ICE2: variants seen among roughly 807,000 people sequenced by gnomAD.
ICE2 encodes interactor of little elongation complex ELL subunit 2.
A neutral mutation model predicts 105.4 loss-of-function variants in ICE2; 87 were observed. The ratio of observed to expected loss-of-function variants is 0.83; its 90% confidence interval spans 0.69 to 0.99. The LOEUF (loss-of-function observed/expected upper bound fraction) is 0.99. ICE2 is among the 50% of genes least tolerant of loss of function. The pLI is 0.00. For missense variants in ICE2, 1,323 were observed against 1,146.7 expected (o/e 1.15, Z -2.22); for synonymous variants, 399 against 392.0 (o/e 1.02, Z -0.21).
Position 60,455,035 on chromosome 15 carries a change from A to G in ICE2, c.911T>C (p.Ile304Thr). 6.3e-7 allele frequency: 1 copy of G among 1,576,690 alleles called. No individual in the cohort carries two copies. The highest frequency in any genetic ancestry group is 8.6e-7 in the Non-Finnish European group (1 of 1,168,656). The change falls in exon 8 of 16, where the codon ATT (isoleucine) becomes ACT (threonine). Residue 304 changes from isoleucine to threonine, a missense_variant. Ile to Thr is a moderately conservative substitution (Grantham distance 89). Transcript: ENST00000261520. ...AGGTATTACTTGAATACACACTGGA[A>G]TTTCCCACTGTTCCTTGTACGTTGG... ...HGPTYKEQWE[I>T]PVCIQVIPVA... is the part of the protein sequence containing the mutation.
At chr15:60,456,927 C>CTA (rs1371456874) in intron 5 of ICE2, 133 bp from the exon 6 acceptor site, 127 of 405,314 alleles carry the variant, frequency 3.1e-4, no homozygotes, top group African/African-American at 2.5e-3. Flanking sequence ...GCTACTAATA[C>CTA]ACACATTGTA....
At chr15:60,438,404 T>A (rs916941759) in intron 12 of ICE2, 1 of 152,154 alleles carries the variant, frequency 6.6e-6, no homozygotes, top group Non-Finnish European at 1.5e-5. Flanking sequence ...TACAAATAAT[T>A]AGAAACATTT....
intron 10 of ICE2, 52 bp from the exon 11 acceptor site, chr15:60,448,197 T>TAA (rs755100126): frequency 4.4e-6 from 5 of 1,148,066 alleles, no homozygotes; most frequent in Non-Finnish European, 6.2e-6. Context: ...TTACCCATCA[T>TAA]AAGCAAGGAT....
chr15:60,465,433 T>G (rs1355188295), intron 5 of ICE2, among the ~76,000 whole-genome samples: 2 of 152,192 alleles, frequency 1.3e-5, no homozygotes. Flanking sequence ...TCAATCCTTC[T>G]GCCTCGGCCT....
chr15:60,440,526 C>T (rs1181557059), intron 12 of ICE2: 1 of 151,994 alleles, frequency 6.6e-6, no homozygotes, highest in Non-Finnish European at 1.5e-5. Flanking sequence ...TGTGTTGATT[C>T]TACTGAAAAA....
chr15:60,444,474 A>AT (rs550580004), intron 11 of ICE2, among the ~76,000 whole-genome samples: 8 of 152,050 alleles, frequency 5.3e-5, no homozygotes, highest in African/African-American at 1.9e-4. Flanking sequence ...AAAGTTTACT[A>AT]TTTTTTTCCC....
In ICE2 at chr15:60,423,766, A is replaced by AG; in HGVS notation, c.2821-5dup. On this transcript the variant is annotated splice_region_variant and splice_polypyrimidine_tract_variant and intron_variant, in intron 15 of 15. Coordinates refer to ENST00000261520, the MANE Select transcript of ICE2 (RefSeq NM_024611.6). ...TAGGCATTCTCGTTCCACCAATCTA[A>AG]GAGATGAAGCAGAGAACAGAATAGC... 1 of 1,581,796 alleles carries AG rather than the reference A, an allele frequency of 6.3e-7. No homozygotes were observed. The highest frequency in any genetic ancestry group is 8.6e-7 in the Non-Finnish European group (1 of 1,168,726).
rs1381157414 is a variant in ICE2, at chr15:60,477,318, C to T, written c.41+619G>A. Among the ~76,000 whole-genome samples the T allele has an allele frequency of 2.6e-5, 4 of 152,158 alleles. No individual in the cohort carries two copies. The South Asian group carries it at 6.2e-4, about 24-fold the overall frequency. On this transcript the variant is annotated intron_variant, in intron 2 of 15. Coordinates refer to ENST00000261520, the MANE Select transcript of ICE2 (RefSeq NM_024611.6). ...GAGTGTTGTTAGCAATAAACAAATA[C>T]TCAATGAACATACTGACTTAATAGT...
At chr15:60,437,020 A>T (rs2063609084) in intron 12 of ICE2, among the ~76,000 whole-genome samples, 1 of 152,062 alleles carries the variant, frequency 6.6e-6, no homozygotes, top group African/African-American at 2.4e-5. Context: ...TGGGAGGCCG[A>T]GGCGGGCAGA....
At chr15:60,464,449 C>G (rs1318278325) in intron 5 of ICE2, among the ~76,000 whole-genome samples, 1 of 152,122 alleles carries the variant, frequency 6.6e-6, no homozygotes, top group Admixed American at 6.5e-5. Flanking sequence ...ATACTACATT[C>G]CATAGGGTAA....
chr15:60,436,106 A>C (rs1037529598), intron 13 of ICE2, 37 bp downstream of exon 13: 4 of 850,944 alleles, frequency 4.7e-6, no homozygotes, highest in African/African-American at 1.8e-5. Flanking sequence ...CACATTAACA[A>C]ATTTTTCAAT....
At chr15:60,462,194 G>C (rs2064297926) in intron 5 of ICE2, among the ~76,000 whole-genome samples, 1 of 152,080 alleles carries the variant, frequency 6.6e-6, no homozygotes, top group Non-Finnish European at 1.5e-5. Flanking sequence ...GTATTCCAAT[G>C]AATAAATGAT....
chr15:60,438,036 A>G (rs530829297), intron 12 of ICE2: 1 of 152,198 alleles, frequency 6.6e-6, no homozygotes, highest in East Asian at 1.9e-4. Flanking sequence ...TCTCAATATG[A>G]TGCTTTTGTT....
chr15:60,429,792 AATT>A lies in ICE2; in HGVS notation c.2562-1108_2562-1106del, dbSNP rs1299518239. ...TTTCATATTTCCATATAAAGAAATG[AATT>A]ATTATGATAGTAGGAATAAATAACA... is the stretch of plus-strand genomic sequence containing the variant. On this transcript the variant is annotated intron_variant, in intron 14 of 15. Coordinates refer to ENST00000261520, the MANE Select transcript of ICE2 (RefSeq NM_024611.6). Among the ~76,000 whole-genome samples, 10 of 152,330 alleles carry A rather than the reference AATT, an allele frequency of 6.6e-5. No individual in the cohort carries two copies. In the East Asian group the frequency reaches 1.3e-3, roughly 21 times the overall value.
intron 14 of ICE2, among the ~76,000 whole-genome samples, chr15:60,429,937 A>G (rs1366147491): frequency 6.6e-6 from 1 of 152,188 alleles, no homozygotes; most frequent in Non-Finnish European, 1.5e-5. Context: ...GGAGAATGAG[A>G]GATACTCTAA....
chr15:60,437,269 TA>T (rs1009398235), intron 12 of ICE2, among the ~76,000 whole-genome samples: 4 of 151,618 alleles, frequency 2.6e-5, no homozygotes, highest in Non-Finnish European at 5.9e-5. Context: ...AATATATATA[TA>T]TATTTATTAA....
chr15:60,473,137 C>A (rs1192286631), intron 3 of ICE2, among the ~76,000 whole-genome samples: 1 of 152,010 alleles, frequency 6.6e-6, no homozygotes, highest in Admixed American at 6.6e-5. Flanking sequence ...GAGACAAGGT[C>A]TTGATATGTT....
In ICE2 at chr15:60,459,464, A is replaced by G. The variant is rs2141108846; in HGVS notation, c.529-2670T>C. On this transcript the variant is annotated intron_variant, in intron 5 of 15. Coordinates refer to ENST00000261520, the MANE Select transcript of ICE2 (RefSeq NM_024611.6). ...CAAGAGAGATAAAAGATTTCCAAAT[A>G]AACAAAAATGGAGACTGTTCACCAT... 1.3e-5 allele frequency among the ~76,000 whole-genome samples: 2 copies of G among 152,334 alleles called. 1 individual carries two copies. Among genetic ancestry groups the G allele is most frequent in the South Asian group, 4.1e-4 (2 of 4,826 alleles).
chr15:60,456,762 T>A lies in ICE2; in HGVS notation c.561A>T (p.Lys187Asn), dbSNP rs745684882. ...KILRACIEQV[K>N]KYSEFYTLHE... ...GGAGAGTATAGAATTCTGAATACTT[T>A]TTCACTTGTTCAATGCAAGCTCTTA... The change falls in exon 6 of 16, where the codon AAA becomes AAT. Residue 187 changes from lysine (K) to asparagine (N), a missense_variant. Physicochemically the swap from Lys to Asn is moderately conservative, Grantham distance 94 (BLOSUM62 0). Coordinates refer to ENST00000261520, the MANE Select transcript of ICE2 (RefSeq NM_024611.6). 1 of 1,523,334 alleles carries A rather than the reference T, an allele frequency of 6.6e-7. No homozygotes were observed. The highest frequency in any genetic ancestry group is 1.3e-5 in the South Asian group (1 of 75,830). 94.4% of individuals were successfully genotyped at this position (1,523,334 alleles called of 1,614,324 possible). A position where few individuals can be genotyped will look rare whatever the true frequency, so the allele number is the denominator to read the frequency against.
Sources: gnomAD v4.1 joint callset for allele counts (sites outside exome capture counted in the v4.1 genomes callset) on GRCh38, gnomAD v4.1.1 for gene constraint, MANE v1.5 for transcripts, NCBI Gene and HGNC (gene_info 2026-07-23, HGNC 2026-07-21) for gene names.